The following OAT variants were observed in gnomAD, a reference collection of about 807,000 sequenced individuals.
OAT encodes ornithine aminotransferase, mitochondrial.
A neutral mutation model predicts 48.4 loss-of-function variants in OAT; 35 were observed. The observed-to-expected ratio is 0.72, with a 90% CI of 0.55 to 0.96. The LOEUF is 0.96. Among genes scored for constraint, OAT ranks in the 40% least tolerant of loss-of-function variants. OAT has a pLI of 0.00. For missense variants in OAT, 438 were observed against 537.9 expected, an observed-to-expected ratio of 0.81 and a Z score of 1.84; for synonymous variants, 182 against 198.4, an observed-to-expected ratio of 0.92 and a Z score of 0.70.
chr10:124,401,635 T>G (rs1951410964), intron 8 of OAT, 91 bp downstream of exon 8: 2 of 853,572 alleles, frequency 2.3e-6, no homozygotes, highest in East Asian at 2.6e-5. Context: ...GCATTCTTAT[T>G]GAATTTTTTA....
rs1412655303 is a variant in OAT, at chr10:124,408,974, C to T, written c.200-9G>A. On this transcript the variant is annotated splice_polypyrimidine_tract_variant and intron_variant, in intron 2 of 9. Coordinates refer to ENST00000368845, the MANE Select transcript of OAT (RefSeq NM_000274.4). ...ATCCCATAAGTAAATACCTAAAATA[C>T]ATAAGAAAGGAAAATAATTTTAGAC... 6 of 1,598,344 alleles carry T rather than the reference C, an allele frequency of 3.8e-6. No individual in the cohort carries two copies. In the African/African-American group the frequency reaches 4.0e-5, roughly 11 times the overall value.
intron 1 of OAT, among the ~76,000 whole-genome samples, chr10:124,413,093 C>A (rs1344929051): frequency 6.6e-6 from 1 of 152,086 alleles, no homozygotes; most frequent in Non-Finnish European, 1.5e-5. Context: ...AGCCACTGTG[C>A]CCAGCCTAAA....
At chr10:124,412,716 G>A (rs1473277997) in intron 1 of OAT, among the ~76,000 whole-genome samples, 3 of 150,512 alleles carry the variant, frequency 2.0e-5, no homozygotes, top group Non-Finnish European at 4.5e-5. Context: ...GGCTGAGGCG[G>A]GAGGATCACT....
chr10:124,406,856 TC>T (rs1302943220), intron 4 of OAT: 1 of 457,744 alleles, frequency 2.2e-6, no homozygotes, highest in African/African-American at 2.2e-5. Context: ...ACTGGCAAGA[TC>T]CCTATCCTCA....
chr10:124,415,974 T>C (rs969246700), intron 1 of OAT, among the ~76,000 whole-genome samples: 7 of 152,284 alleles, frequency 4.6e-5, no homozygotes, highest in South Asian at 2.1e-4. Context: ...GATAAAAAAT[T>C]AGAAAACACA....
rs1554868332 is a variant in OAT at position 124,413,304 on chromosome 10, A to ACG, written c.-29-1105_-29-1104insCG. Reference sequence around the variant, plus strand: ...CACACACACACACACACACACACACACACACATATATGAGATTCCCAAACA... The same window carrying ACG: ...CACACACACACACACACACACACACACGCACACATATATGAGATTCCCAAACA... On this transcript the variant is annotated intron_variant, in intron 1 of 9. Transcript: ENST00000368845. 4.3e-5 allele frequency among the ~76,000 whole-genome samples: 6 copies of ACG among 140,386 alleles called. No individual in the cohort carries two copies. The East Asian group carries it at 1.0e-3, about 23-fold the overall frequency. The allele number at this position is 140,386 out of a possible 152,430, so 92.1% of individuals were successfully genotyped here.
At chr10:124,402,359 G>A (rs1234992179) in intron 7 of OAT, among the ~76,000 whole-genome samples, 5 of 152,274 alleles carry the variant, frequency 3.3e-5, no homozygotes, top group Non-Finnish European at 7.3e-5. Context: ...AAAGAGAAAA[G>A]CTATTTCTGC....
chr10:124,403,475 T>A, intron 6 of OAT: 1 of 430,386 alleles, frequency 2.3e-6, no homozygotes. Context: ...GAGGAGAGAA[T>A]ACAACAAAGG....
intron 7 of OAT, 130 bp downstream of exon 7, chr10:124,402,797 T>C (rs1343235324): frequency 8.6e-7 from 1 of 1,168,294 alleles, no homozygotes; most frequent in Non-Finnish European, 1.3e-6. Context: ...ATATTCCGGG[T>C]GGCCTGCAGC....
chr10:124,397,660 G>A lies in OAT; in HGVS notation c.*282C>T, dbSNP rs759089447. 13 of 360,034 alleles carry A rather than the reference G, an allele frequency of 3.6e-5. No individual in the cohort carries two copies. The highest frequency in any genetic ancestry group is 6.2e-5 in the Non-Finnish European group (12 of 195,008). 22.3% of individuals were successfully genotyped at this position (360,034 alleles called of 1,614,324 possible). On this transcript the variant is annotated 3_prime_UTR_variant, in exon 10 of 10. Transcript: ENST00000368845. ...CAATTATACTGAAGGACTTGATTTA[G>A]AGGCTGTCTGTATATAGATGCATTT...
chr10:124,405,593 T>G, intron 4 of OAT, 30 bp from the exon 5 acceptor site: 1 of 1,612,132 alleles, frequency 6.2e-7, no homozygotes, highest in Non-Finnish European at 8.5e-7. Context: ...AGTGATTATT[T>G]CAAAGAAACC....
At chr10:124,403,257 A>G (rs1255680338) in intron 6 of OAT, 3 of 634,142 alleles carry the variant, frequency 4.7e-6, no homozygotes, top group Non-Finnish European at 8.3e-6. Context: ...TTCCTTTGTC[A>G]GGCCACTATC....
chr10:124,416,866 T>TA lies in OAT; in HGVS notation c.-30+2006dup, dbSNP rs5788661. On this transcript the variant is annotated intron_variant, in intron 1 of 9. Transcript: ENST00000368845. Reference sequence around the variant, plus strand: ...GTAACCATTCACAAATACAGGCCTTTAAAAAAAAAAAAAAAAAAAAGTTCT... The same window carrying TA: ...GTAACCATTCACAAATACAGGCCTTTAAAAAAAAAAAAAAAAAAAAAGTTCT... 3.5e-3 allele frequency among the ~76,000 whole-genome samples: 508 copies of TA among 144,434 alleles called. 3 individuals carry two copies. Among genetic ancestry groups the TA allele is most frequent in the Middle Eastern group, 0.014 (4 of 276 alleles). 94.8% of individuals were successfully genotyped at this position (144,434 alleles called of 152,430 possible).
intron 2 of OAT, among the ~76,000 whole-genome samples, chr10:124,411,454 C>T (rs1772567384): frequency 6.6e-6 from 1 of 152,134 alleles, no homozygotes. Flanking sequence ...GTAAGGTCTA[C>T]ATGACAAAGA....
At chr10:124,407,262 C>T in intron 4 of OAT, 10 of 985,466 alleles carry the variant, frequency 1.0e-5, no homozygotes, top group Non-Finnish European at 1.2e-5. Flanking sequence ...CCTCAGGAAC[C>T]TCATCCTCAG....
chr10:124,404,231 T>C (rs1188977510), intron 5 of OAT, among the ~76,000 whole-genome samples: 1 of 151,996 alleles, frequency 6.6e-6, no homozygotes, highest in Non-Finnish European at 1.5e-5. Flanking sequence ...GCCTGCCAAG[T>C]AGCTGCGCAC....
intron 9 of OAT, among the ~76,000 whole-genome samples, chr10:124,400,043 G>A (rs561764285): frequency 2.0e-5 from 3 of 152,162 alleles, no homozygotes; most frequent in Non-Finnish European, 4.4e-5. Flanking sequence ...TTAGAAAAGA[G>A]CTATATTTTT....
chr10:124,403,684 T>C (rs1951484825), intron 6 of OAT, 114 bp downstream of exon 6: 3 of 1,440,520 alleles, frequency 2.1e-6, no homozygotes, highest in South Asian at 2.3e-5. Flanking sequence ...AATTTAATCT[T>C]TGCATTTATC....
Position 124,397,996 on chromosome 10 carries a change from C to T in OAT, c.1266G>A (p.Glu422=). The T allele has an allele frequency of 6.2e-7, 1 of 1,613,994 alleles. No homozygotes were observed. Among genetic ancestry groups the T allele is most frequent in the Non-Finnish European group, 8.5e-7 (1 of 1,179,904 alleles). The stretch of plus-strand genomic sequence containing the variant: ...TTTCAATGGACTCTCGAAGCTCATC[C>T]TCCTTGATCACCAGCGGAGGCGCAA... ...IRFAPPLVIK[E]DELRESIEII... is the part of the protein sequence containing the mutation. Residue 422 remains glutamate, a synonymous_variant, in exon 10 of 10, where the codon GAG becomes GAA. Transcript: ENST00000368845.
Sources: gnomAD v4.1 joint callset for allele counts (sites outside exome capture counted in the v4.1 genomes callset) on GRCh38, gnomAD v4.1.1 for gene constraint, MANE v1.5 for transcripts, NCBI Gene and HGNC (gene_info 2026-07-23, HGNC 2026-07-21) for gene names.